The following RMP64 variants were observed in gnomAD, a reference collection of about 807,000 sequenced individuals.
RMP64 encodes nucleolus and neural progenitor protein.
chr3:113,012,786 G>A, the RMP64 span: 2 of 1,608,396 alleles, frequency 1.2e-6, no homozygotes, highest in African/African-American at 1.3e-5. Context: ...ATGAACTCTT[G>A]CAAACCTAGA....
the RMP64 span, chr3:113,017,369 A>G: frequency 8.6e-7 from 1 of 1,167,586 alleles, no homozygotes; most frequent in Non-Finnish European, 1.2e-6. Context: ...AGATTTCCAT[A>G]AATAGCAATA....
chr3:113,014,981 A>G, the RMP64 span: 1 of 152,198 alleles, frequency 6.6e-6, no homozygotes, highest in Non-Finnish European at 1.5e-5. Flanking sequence ...AGCTGACCCT[A>G]AAGAATTTAA....
chr3:113,013,475 TTACA>T, the RMP64 span: 1 of 1,198,214 alleles, frequency 8.3e-7, no homozygotes, highest in Non-Finnish European at 1.2e-6. Flanking sequence ...TTTTTTTTTT[TTACA>T]TTTACCAGTT....
the RMP64 span, among the ~76,000 whole-genome samples, chr3:113,006,656 T>C: frequency 2.0e-5 from 3 of 152,170 alleles, no homozygotes; most frequent in Non-Finnish European, 4.4e-5. Context: ...GTTTCACTGT[T>C]TGTGATAGAT....
At chr3:113,003,636 G>T in the RMP64 span, 11 of 152,296 alleles carry the variant, frequency 7.2e-5, no homozygotes, top group African/African-American at 2.4e-4. Context: ...AATGAATTTG[G>T]AAACAAATGC....
chr3:113,005,770 TGA>T, the RMP64 span: 1 of 1,610,708 alleles, frequency 6.2e-7, no homozygotes, highest in Non-Finnish European at 8.5e-7. Flanking sequence ...CAGTACAGTG[TGA>T]GAGTCTCCAC....
At chr3:113,006,100 T>TTG in the RMP64 span, 1 of 832,318 alleles carries the variant, frequency 1.2e-6, no homozygotes, top group Admixed American at 2.8e-5. Flanking sequence ...AATACACAAC[T>TTG]TATCTACAAG....
the RMP64 span, chr3:113,019,654 C>T: frequency 1.5e-5 from 24 of 1,595,000 alleles, no homozygotes; most frequent in South Asian, 2.5e-4. Flanking sequence ...TCATGCGAGG[C>T]GGGGGGACTT....
At chr3:113,008,616 G>A in the RMP64 span, 4 of 498,440 alleles carry the variant, frequency 8.0e-6, no homozygotes, top group Admixed American at 1.3e-4. Flanking sequence ...AACAAAATAC[G>A]TACCCCATAA....
the RMP64 span, chr3:113,003,418 G>A: frequency 4.0e-4 from 61 of 152,150 alleles, 1 homozygote; most frequent in African/African-American, 1.4e-3. Flanking sequence ...GTAAGTTACA[G>A]TTTGGTATAC....
At chr3:113,005,770 T>A in the RMP64 span, 1 of 1,610,708 alleles carries the variant, frequency 6.2e-7, no homozygotes, top group Non-Finnish European at 8.5e-7. Context: ...CAGTACAGTG[T>A]GAGAGTCTCC....
chr3:113,008,225 C>G, the RMP64 span: 1 of 1,614,116 alleles, frequency 6.2e-7, no homozygotes, highest in South Asian at 1.1e-5. Context: ...AAGTTTGTTA[C>G]CCAGAAAAAT....
the RMP64 span, chr3:113,013,450 GGTT>G: frequency 7.6e-6 from 11 of 1,442,162 alleles, no homozygotes; most frequent in Admixed American, 2.6e-5. Flanking sequence ...AAAAAAAAAG[GGTT>G]TTTTTTTTGT....
At chr3:113,005,450 G>T in the RMP64 span, 2 of 829,428 alleles carry the variant, frequency 2.4e-6, no homozygotes, top group Non-Finnish European at 4.0e-6. Context: ...GTGAGTCCAG[G>T]TGGTACTTCC....
the RMP64 span, chr3:113,015,206 T>C: frequency 6.6e-6 from 1 of 152,230 alleles, no homozygotes; most frequent in African/African-American, 2.4e-5. Flanking sequence ...TTTTGTACCA[T>C]GCATGGCTCT....
chr3:113,017,527 T>A, the RMP64 span: 4 of 1,614,180 alleles, frequency 2.5e-6, no homozygotes, highest in Non-Finnish European at 3.4e-6. Context: ...CACATCTGTT[T>A]CTGCATCTAA....
chr3:113,005,659 A>G, the RMP64 span: 1 of 1,613,814 alleles, frequency 6.2e-7, no homozygotes. Context: ...GGATGCCTCT[A>G]AGATTTTCAT....
the RMP64 span, among the ~76,000 whole-genome samples, chr3:113,006,790 G>A: frequency 6.6e-6 from 1 of 152,180 alleles, no homozygotes; most frequent in Admixed American, 6.5e-5. Flanking sequence ...TGGGGAGAAG[G>A]TGGGTGTACT....
the RMP64 span, chr3:113,011,632 G>GAT: frequency 7.3e-5 from 26 of 354,376 alleles, no homozygotes; most frequent in East Asian, 2.5e-4. Context: ...TACCAGGAAA[G>GAT]ATATATATAT....
Sources: allele counts gnomAD v4.1 joint callset (sites outside exome capture counted in the v4.1 genomes callset), GRCh38; gene constraint gnomAD v4.1.1; transcripts MANE v1.5; gene names NCBI Gene and HGNC (gene_info 2026-07-23, HGNC 2026-07-21).